Variants in SLC41A1 observed in about 807,000 individuals in gnomAD.
The protein encoded by SLC41A1 is solute carrier family 41 (magnesium transporter), member 1.
Under a neutral mutation model 47.3 loss-of-function variants are expected in SLC41A1, and 20 were observed. That is an observed-to-expected ratio of 0.42 (90% CI 0.30 to 0.61). SLC41A1 has a LOEUF of 0.61. SLC41A1 is among the 20% of genes least tolerant of loss of function. The probability of loss-of-function intolerance (pLI) is 0.17; values close to 1 mark genes in which losing one functional copy is unlikely to be tolerated. For synonymous variants in SLC41A1, 282 were observed against 272.7 expected, an observed-to-expected ratio of 1.03 and a Z score of -0.34; for missense variants, 504 against 674.1, an observed-to-expected ratio of 0.75 and a Z score of 2.79.
In SLC41A1 at chr1:205,796,949, C is replaced by T; in HGVS notation, c.1047G>A (p.Met349Ile). ...CATTAATCACAGGCGTGAAGACAGCCATCCCAGCAAAGTTGGGGTCTGAGA... is the reference window on the plus strand; with the variant it reads ...CATTAATCACAGGCGTGAAGACAGCTATCCCAGCAAAGTTGGGGTCTGAGA... ...KTVSDPNFAG[M>I]AVFTPVINGV... Residue 349 changes from methionine to isoleucine, a missense_variant, in exon 8 of 11, where the codon ATG becomes ATA. Physicochemically the swap from Met to Ile is conservative, Grantham distance 10. Transcript: ENST00000367137. 6.2e-7 allele frequency: 1 copy of T among 1,613,352 alleles called. No individual in the cohort carries two copies. Among genetic ancestry groups the T allele is most frequent in the Non-Finnish European group, 8.5e-7 (1 of 1,179,762 alleles).
intron 2 of SLC41A1, among the ~76,000 whole-genome samples, chr1:205,804,959 T>C (rs1333145764): frequency 6.6e-6 from 1 of 152,200 alleles, no homozygotes; most frequent in African/African-American, 2.4e-5. Context: ...AAGAAAAATG[T>C]ATAAAGCTCA....
rs145968676 is a variant in SLC41A1, at chr1:205,810,357, C to T, written c.85G>A (p.Gly29Arg). ...SASPCSSDGP[G>R]REPLAGTSEF... ...GAGGTCCCAGCCAAGGGCTCTCTCC[C>T]TGGGCCATCTGAAGAGCAGGGAGAG... The change falls in exon 2 of 11, where the codon GGG (glycine) becomes AGG (arginine). Residue 29 changes from glycine to arginine, a missense_variant. Physicochemically the swap from Gly to Arg is moderately radical, Grantham distance 125. Around this residue, in one of 2 missense-constraint regions of SLC41A1, gnomAD observed 83 missense variants for 72.5 expected, o/e 1.15. Coordinates refer to ENST00000367137, the MANE Select transcript of SLC41A1 (RefSeq NM_173854.6). This position sits in a 1 kb window ranked among gnomAD's most constrained non-coding sequence, Gnocchi z 5.5. 11 of 1,614,114 alleles carry T rather than the reference C, an allele frequency of 6.8e-6. No homozygotes were observed. In the African/African-American group the frequency reaches 1.5e-4, roughly 22 times the overall value.
At chr1:205,808,344 AG>A (rs1571651316) in intron 2 of SLC41A1, among the ~76,000 whole-genome samples, 1 of 152,312 alleles carries the variant, frequency 6.6e-6, no homozygotes, top group East Asian at 1.9e-4. Context: ...TCAGATGACC[AG>A]GGACAAGTTA....
chr1:205,792,594 A>G (rs1224845313), intron 10 of SLC41A1, among the ~76,000 whole-genome samples: 1 of 152,222 alleles, frequency 6.6e-6, no homozygotes, highest in Non-Finnish European at 1.5e-5. Context: ...CTCTTGAGTC[A>G]GAGTCCGCAT....
In SLC41A1 at chr1:205,810,336, T is replaced by A; in HGVS notation, c.106A>T (p.Thr36Ser). The A allele has an allele frequency of 6.2e-7, 1 of 1,613,782 alleles. No homozygotes were observed. The highest frequency in any genetic ancestry group is 1.3e-5 in the African/African-American group (1 of 74,906). Residue 36 changes from threonine (T) to serine (S), a missense_variant, in exon 2 of 11, where the codon ACC (threonine) becomes TCC (serine). Physicochemically the swap from Thr to Ser is moderately conservative, Grantham distance 58 (BLOSUM62 1). Around this residue, in one of 2 missense-constraint regions of SLC41A1, gnomAD observed 83 missense variants for 72.5 expected, o/e 1.15. Transcript: ENST00000367137. This position sits in a 1 kb window ranked among gnomAD's most constrained non-coding sequence, Gnocchi z 5.5. ...CCATCAGGCCCCAGGAACTCTGAGG[T>A]CCCAGCCAAGGGCTCTCTCCCTGGG... is the stretch of plus-strand genomic sequence containing the variant. ...DGPGREPLAG[T>S]SEFLGPDGAG...
Position 205,810,742 on chromosome 1 carries a change from T to C in SLC41A1, c.-301A>G. 2.2e-6 allele frequency: 1 copy of C among 453,096 alleles called. No homozygotes were observed. Among genetic ancestry groups the C allele is most frequent in the Non-Finnish European group, 4.1e-6 (1 of 245,420 alleles). The allele number at this position is 453,096 out of a possible 1,614,324, so 28.1% of individuals were successfully genotyped here. A position where few individuals can be genotyped will look rare whatever the true frequency, so the allele number is the denominator to read the frequency against. ...TCTGTGCTTGAAGAAAAAGTATCTG[T>C]CCTCTTATCTTCTTTGGTTCTCAGT... On this transcript the variant is annotated 5_prime_UTR_variant, in exon 2 of 11. Transcript: ENST00000367137. The surrounding 1 kb of genome is among the most constrained non-coding windows in gnomAD (Gnocchi z 5.5).
intron 2 of SLC41A1, among the ~76,000 whole-genome samples, chr1:205,807,747 C>G (rs1656049013): frequency 1.3e-5 from 2 of 148,194 alleles, no homozygotes; most frequent in South Asian, 4.4e-4. Flanking sequence ...CTTCAAACTC[C>G]TGGGCTCAAG....
chr1:205,807,179 C>T (rs1656032404), intron 2 of SLC41A1, among the ~76,000 whole-genome samples: 1 of 152,176 alleles, frequency 6.6e-6, no homozygotes, highest in African/African-American at 2.4e-5. Flanking sequence ...CCTTTTACTC[C>T]CATGGATGTG....
rs553941460 is a variant in SLC41A1 at position 205,808,660 on chromosome 1, G to C, written c.372+1410C>G. Among the ~76,000 whole-genome samples the C allele has an allele frequency of 2.3e-3, 353 of 152,310 alleles. 1 individual carries two copies. The highest frequency in any genetic ancestry group is 7.2e-3 in the South Asian group (35 of 4,828). On this transcript the variant is annotated intron_variant, in intron 2 of 10. Coordinates refer to ENST00000367137, the MANE Select transcript of SLC41A1 (RefSeq NM_173854.6). ...CCTACTGTCCCAGTCCCGGCCCTAGGGGGAGGAGCAGCCCCTAGCAGGAGG... is the reference window on the plus strand; with the variant it reads ...CCTACTGTCCCAGTCCCGGCCCTAGCGGGAGGAGCAGCCCCTAGCAGGAGG...
chr1:205,810,383 G>A lies in SLC41A1; in HGVS notation c.59C>T (p.Ala20Val). 1.9e-6 allele frequency: 3 copies of A among 1,614,230 alleles called. No individual in the cohort carries two copies. Among genetic ancestry groups the A allele is most frequent in the South Asian group, 2.2e-5 (2 of 91,086 alleles). The change falls in exon 2 of 11, where the codon GCC becomes GTC. Residue 20 changes from alanine to valine, a missense_variant. Transcript: ENST00000367137. The surrounding 1 kb of genome is among the most constrained non-coding windows in gnomAD (Gnocchi z 5.5). Reference sequence around the variant, plus strand: ...TGGGCCATCTGAAGAGCAGGGAGAGGCAGAAGGGCCAGTCCCGTTCAGTTG... The same window carrying A: ...TGGGCCATCTGAAGAGCAGGGAGAGACAGAAGGGCCAGTCCCGTTCAGTTG... ...VHQLNGTGPSASPCSSDGPGR... is the reference protein window; with the variant it reads ...VHQLNGTGPSVSPCSSDGPGR...
rs1354673155 is a variant in SLC41A1, at chr1:205,794,947, T to C, written c.1279A>G (p.Ile427Val). ...VPGHLVFLYTISCMQGGHTTL... is the reference protein window; with the variant it reads ...VPGHLVFLYTVSCMQGGHTTL... Reference sequence around the variant, plus strand: ...GTGTGCCCGCCCTGCATACAGCTGATGGTGTAGAGGAACACCAGGTGTCCT... The same window carrying C: ...GTGTGCCCGCCCTGCATACAGCTGACGGTGTAGAGGAACACCAGGTGTCCT... Residue 427 changes from isoleucine (I) to valine (V), a missense_variant, in exon 10 of 11, where the codon ATC (isoleucine) becomes GTC (valine). This residue lies in a region of SLC41A1 where 421 missense variants were observed against 601.6 expected (regional missense o/e 0.70). Coordinates refer to ENST00000367137, the MANE Select transcript of SLC41A1 (RefSeq NM_173854.6). 3.1e-6 allele frequency: 5 copies of C among 1,613,884 alleles called. No homozygotes were observed. The African/African-American group carries it at 5.3e-5, about 17-fold the overall frequency.
rs569555649 is a variant in SLC41A1, at chr1:205,805,954, A to G, written c.372+4116T>C. On this transcript the variant is annotated intron_variant, in intron 2 of 10. Coordinates refer to ENST00000367137, the MANE Select transcript of SLC41A1 (RefSeq NM_173854.6). ...AGCCAGGAATCAAGACATTAAGAAG[A>G]CTTAAATTCCCAGATACAAGCTTTA... Among the ~76,000 whole-genome samples the G allele has an allele frequency of 6.6e-5, 10 of 152,300 alleles. No individual in the cohort carries two copies. In the South Asian group the frequency reaches 1.5e-3, roughly 22 times the overall value.
At chr1:205,809,891 G>A (rs1027629324) in intron 2 of SLC41A1, among the ~76,000 whole-genome samples, 179 bp downstream of exon 2, 2 of 152,152 alleles carry the variant, frequency 1.3e-5, no homozygotes, top group Non-Finnish European at 2.9e-5. Flanking sequence ...CGGTTTCCTT[G>A]AGGCTTCTGT....
Position 205,797,986 on chromosome 1 carries a change from C to T in SLC41A1, c.910G>A (p.Val304Met), listed in dbSNP as rs1393049612. ...GTGGCTGGACTTCGTCGGGCCAGCA[C>T]CACCCAGACAGGCAGCAGGGCCACA... ...FFVALLPVWV[V>M]LARRSPATRE... The change falls in exon 7 of 11, where the codon GTG becomes ATG. Residue 304 changes from valine (V) to methionine (M), a missense_variant. Physicochemically the swap from Val to Met is conservative, Grantham distance 21 (BLOSUM62 1). Coordinates refer to ENST00000367137, the MANE Select transcript of SLC41A1 (RefSeq NM_173854.6). 3 of 1,614,010 alleles carry T rather than the reference C, an allele frequency of 1.9e-6. No homozygotes were observed. The African/African-American group carries it at 4.0e-5, about 22-fold the overall frequency.
chr1:205,795,603 A>G (rs1343710880), intron 8 of SLC41A1, 125 bp from the exon 9 acceptor site: 2 of 1,231,178 alleles, frequency 1.6e-6, no homozygotes, highest in African/African-American at 3.0e-5. Flanking sequence ...TTTAGGGTCT[A>G]TGTGGGCATC....
chr1:205,793,557 A>T (rs1655672971), intron 10 of SLC41A1, among the ~76,000 whole-genome samples: 1 of 152,182 alleles, frequency 6.6e-6, no homozygotes, highest in Admixed American at 6.5e-5. Context: ...TCCGAACACA[A>T]CCTTTCTAAA....
intron 6 of SLC41A1, among the ~76,000 whole-genome samples, 192 bp from the exon 7 acceptor site, chr1:205,798,243 G>C (rs895844264): frequency 6.6e-6 from 1 of 152,188 alleles, no homozygotes; most frequent in African/African-American, 2.4e-5. Flanking sequence ...TTTTATGGAT[G>C]AGGAAACCAA....
At chr1:205,800,421 C>G (rs1321540748) in intron 3 of SLC41A1, among the ~76,000 whole-genome samples, 1 of 152,224 alleles carries the variant, frequency 6.6e-6, no homozygotes, top group Admixed American at 6.5e-5. Context: ...CTGTTCAGGC[C>G]CGGAATCGTC....
chr1:205,798,774 C>T lies in SLC41A1; in HGVS notation c.739G>A (p.Gly247Arg). 6.2e-7 allele frequency: 1 copy of T among 1,614,106 alleles called. No individual in the cohort carries two copies. Among genetic ancestry groups the T allele is most frequent in the Non-Finnish European group, 8.5e-7 (1 of 1,180,028 alleles). Residue 247 changes from glycine to arginine, a missense_variant, in exon 6 of 11, where the codon GGG becomes AGG. Gly to Arg is a moderately radical substitution (Grantham distance 125, BLOSUM62 -2). This residue lies in a region of SLC41A1 where 421 missense variants were observed against 601.6 expected (regional missense o/e 0.70). Coordinates refer to ENST00000367137, the MANE Select transcript of SLC41A1 (RefSeq NM_173854.6). The stretch of plus-strand genomic sequence containing the variant: ...GTGGCCACGTTGTCTGGGTTGATCC[C>T]AATCTTGCGAGAGCCAATGATGACT... ...IGVIIGSRKI[G>R]INPDNVATPI...
Sources: gnomAD v4.1 joint callset for allele counts (sites outside exome capture counted in the v4.1 genomes callset) on GRCh38, gnomAD v4.1.1 for gene constraint, gnomAD v4.1.1 regional missense constraint, Gnocchi (gnomAD v3.1) non-coding constraint, MANE v1.5 for transcripts, NCBI Gene and HGNC (gene_info 2026-07-23, HGNC 2026-07-21) for gene names.